The following SKAP2 variants were observed in gnomAD, a reference collection of about 807,000 sequenced individuals.
SKAP2 encodes src kinase associated phosphoprotein 2.
A neutral mutation model predicts 54.9 loss-of-function variants in SKAP2; 28 were observed. The ratio of observed to expected loss-of-function variants is 0.51; its 90% CI spans 0.38 to 0.70. SKAP2 has a LOEUF of 0.70. Ranked by LOEUF, SKAP2 falls within the 30% of genes least tolerant of loss-of-function variation. SKAP2 has a pLI of 0.00. For synonymous variants in SKAP2, 137 were observed against 134.3 expected (o/e 1.02, Z -0.14); for missense variants, 356 against 424.1 (o/e 0.84, Z 1.41).
intron 11 of SKAP2, among the ~76,000 whole-genome samples, chr7:26,681,281 A>G (rs972486732): frequency 2.6e-5 from 4 of 152,110 alleles, no homozygotes; most frequent in Non-Finnish European, 1.5e-5. Context: ...GTGAAACCCC[A>G]TCTCTACTAA....
At chr7:26,864,268 G>T in intron 1 of SKAP2, 95 bp downstream of exon 1, 1 of 1,457,002 alleles carries the variant, frequency 6.9e-7, no homozygotes, top group Non-Finnish European at 9.6e-7. Flanking sequence ...AGCGCGGGGA[G>T]GGAGGATAAG....
At chr7:26,836,032 A>AAG (rs1210347461) in intron 4 of SKAP2, among the ~76,000 whole-genome samples, 1 of 152,236 alleles carries the variant, frequency 6.6e-6, no homozygotes, top group Non-Finnish European at 1.5e-5. Context: ...CCACAGAAAT[A>AAG]ATGCCACACA....
At chr7:26,826,140 C>CACACAA (rs1339010069) in intron 4 of SKAP2, among the ~76,000 whole-genome samples, 1 of 151,960 alleles carries the variant, frequency 6.6e-6, no homozygotes, top group African/African-American at 2.4e-5. Context: ...CACACACACA[C>CACACAA]ACGCCACAGT....
rs1562569600 is a variant in SKAP2 at position 26,669,440 on chromosome 7, A to G, written c.*226T>C. 6.6e-6 allele frequency: 1 copy of G among 152,196 alleles called. No homozygotes were observed. Among genetic ancestry groups the G allele is most frequent in the Non-Finnish European group, 1.5e-5 (1 of 68,026 alleles). 9.4% of individuals were successfully genotyped at this position (152,196 alleles called of 1,614,324 possible). On this transcript the variant is annotated 3_prime_UTR_variant, in exon 13 of 13. Transcript: ENST00000345317. ...AACTATAATTATTTCTTTGCAAAAT[A>G]GCAACAGGTATAACTTAACTGGTTG... is the stretch of plus-strand genomic sequence containing the variant.
At chr7:26,676,295 G>C (rs781220599) in intron 11 of SKAP2, among the ~76,000 whole-genome samples, 2 of 152,178 alleles carry the variant, frequency 1.3e-5, no homozygotes, top group Non-Finnish European at 2.9e-5. Flanking sequence ...AGAAATTCAT[G>C]TAAGAATATT....
intron 11 of SKAP2, among the ~76,000 whole-genome samples, chr7:26,676,376 T>G (rs1030556723): frequency 6.6e-6 from 1 of 152,172 alleles, no homozygotes; most frequent in Non-Finnish European, 1.5e-5. Flanking sequence ...CTCCCATCTC[T>G]CCCTTTTTTG....
At chr7:26,855,735 G>A (rs1785148575) in intron 1 of SKAP2, among the ~76,000 whole-genome samples, 1 of 151,850 alleles carries the variant, frequency 6.6e-6, no homozygotes, top group Non-Finnish European at 1.5e-5. Flanking sequence ...GTCCTTACAG[G>A]TTTAATTTTT....
the SKAP2 span, among the ~76,000 whole-genome samples, chr7:26,659,310 C>T: frequency 6.6e-6 from 1 of 152,124 alleles, no homozygotes; most frequent in Admixed American, 6.6e-5. Context: ...CCATGTCCAT[C>T]TCACTGTGAA....
At chr7:26,795,816 G>A (rs1783765337) in intron 4 of SKAP2, among the ~76,000 whole-genome samples, 1 of 152,184 alleles carries the variant, frequency 6.6e-6, no homozygotes, top group East Asian at 1.9e-4. Context: ...TACATCATTA[G>A]TGGTTGTTAG....
At chr7:26,692,757 A>T (rs1786812385) in intron 9 of SKAP2, among the ~76,000 whole-genome samples, 3 of 152,190 alleles carry the variant, frequency 2.0e-5, no homozygotes, top group Admixed American at 1.3e-4. Flanking sequence ...AGCTTTAATA[A>T]ATGGGTTAAT....
At chr7:26,675,181 C>A (rs539881936) in intron 11 of SKAP2, among the ~76,000 whole-genome samples, 4 of 152,296 alleles carry the variant, frequency 2.6e-5, no homozygotes, top group African/African-American at 9.6e-5. Context: ...CAAAAACTTA[C>A]ACTAACTCTC....
chr7:26,728,157 A>C (rs1787747645), intron 6 of SKAP2, among the ~76,000 whole-genome samples: 1 of 152,188 alleles, frequency 6.6e-6, no homozygotes, highest in Non-Finnish European at 1.5e-5. Context: ...ATGTCTAAAG[A>C]AACAATCAAA....
At chr7:26,837,314 C>A (rs1369863967) in intron 4 of SKAP2, among the ~76,000 whole-genome samples, 3 of 152,016 alleles carry the variant, frequency 2.0e-5, no homozygotes, top group Non-Finnish European at 4.4e-5. Context: ...TGCACATGTA[C>A]CCCAGAACTT....
At chr7:26,846,137 T>C (rs1218513674) in intron 3 of SKAP2, among the ~76,000 whole-genome samples, 1 of 152,124 alleles carries the variant, frequency 6.6e-6, no homozygotes, top group Non-Finnish European at 1.5e-5. Flanking sequence ...TTTTGTGGTA[T>C]GAATTTTCCA....
At chr7:26,662,587 A>AT (rs1277552942), downstream of SKAP2, among the ~76,000 whole-genome samples, 37 of 152,134 alleles carry the variant, frequency 2.4e-4, no homozygotes, top group African/African-American at 8.7e-4. Flanking sequence ...CTTGCACAGG[A>AT]TGGCACTTAA....
intron 4 of SKAP2, among the ~76,000 whole-genome samples, chr7:26,752,057 C>T (rs975990100): frequency 6.6e-6 from 1 of 152,020 alleles, no homozygotes; most frequent in Non-Finnish European, 1.5e-5. Flanking sequence ...GTCACTATTT[C>T]AATATTTTTT....
At chr7:26,837,697 G>T (rs1404395934) in intron 4 of SKAP2, among the ~76,000 whole-genome samples, 1 of 152,088 alleles carries the variant, frequency 6.6e-6, no homozygotes, top group East Asian at 1.9e-4. Context: ...ATATTAGGTG[G>T]AGACAGATTT....
chr7:26,663,490 GATA>G (rs1786055027), downstream of SKAP2, among the ~76,000 whole-genome samples: 1 of 152,088 alleles, frequency 6.6e-6, no homozygotes, highest in Non-Finnish European at 1.5e-5. Context: ...TTATGTATCA[GATA>G]TTCCAATAAA....
intron 4 of SKAP2, among the ~76,000 whole-genome samples, chr7:26,793,065 GAC>G (rs922225970): frequency 1.3e-5 from 2 of 152,166 alleles, no homozygotes; most frequent in Non-Finnish European, 2.9e-5. Flanking sequence ...GACTAGCAGT[GAC>G]ATAGTGTTTG....
Sources: gnomAD v4.1 joint callset for allele counts (sites outside exome capture counted in the v4.1 genomes callset) on GRCh38, gnomAD v4.1.1 for gene constraint, MANE v1.5 for transcripts, NCBI Gene and HGNC (gene_info 2026-07-23, HGNC 2026-07-21) for gene names.